Variants in FA2H observed in about 807,000 individuals in gnomAD.
FA2H encodes the protein fatty acid alpha-hydroxylase.
A neutral mutation model predicts 44.9 loss-of-function variants in FA2H; 22 were observed. The observed-to-expected ratio is 0.49, with a 90% CI of 0.35 to 0.70. The LOEUF (loss-of-function observed/expected upper bound fraction) is 0.70, where lower values mean the gene tolerates loss of function less well. Ranked by LOEUF, FA2H falls within the 30% of genes least tolerant of loss-of-function variation. The probability of loss-of-function intolerance (pLI) is 0.01; values close to 1 mark genes in which losing one functional copy is unlikely to be tolerated. For missense variants in FA2H, 501 were observed against 504.9 expected (o/e 0.99, Z 0.07); for synonymous variants, 243 against 213.2 (o/e 1.14, Z -1.22).
intron 1 of FA2H, among the ~76,000 whole-genome samples, chr16:74,764,389 C>T (rs1414991321): frequency 2.6e-5 from 4 of 152,004 alleles, no homozygotes; most frequent in Non-Finnish European, 5.9e-5. Flanking sequence ...TATACAGCCA[C>T]AAAAAAGAAC....
Position 74,767,282 on chromosome 16 carries a change from C to G in FA2H, c.270+7204G>C, listed in dbSNP as rs548560147. 3.6e-3 allele frequency among the ~76,000 whole-genome samples: 542 copies of G among 152,146 alleles called. 3 individuals carry two copies. The highest frequency in any genetic ancestry group is 0.013 in the African/African-American group (523 of 41,514). Reference sequence around the variant, plus strand: ...CGAGATTGTGCCATTGCACTCTAGCCTGGTGACAGAGGGAGACTCATAAAA... The same window carrying G: ...CGAGATTGTGCCATTGCACTCTAGCGTGGTGACAGAGGGAGACTCATAAAA... On this transcript the variant is annotated intron_variant, in intron 1 of 6. Coordinates refer to ENST00000219368, the MANE Select transcript of FA2H (RefSeq NM_024306.5).
intron 5 of FA2H, 141 bp downstream of exon 5, chr16:74,718,847 G>C (rs531755619): frequency 1.0e-6 from 1 of 989,504 alleles, no homozygotes; most frequent in South Asian, 1.4e-5. Context: ...CAGTTGCCCC[G>C]TGAGTCACAT....
At chr16:74,727,447 A>G (rs759262959) in intron 2 of FA2H, 61 bp from the exon 3 acceptor site, 3 of 1,570,670 alleles carry the variant, frequency 1.9e-6, no homozygotes, top group South Asian at 1.1e-5. Context: ...TCGTTCTCCC[A>G]TTTCCTCGTT....
At chr16:74,716,693 C>A (rs1292267069) in intron 5 of FA2H, 94 bp from the exon 6 acceptor site, 4 of 1,393,122 alleles carry the variant, frequency 2.9e-6, no homozygotes, top group Admixed American at 2.5e-5. Context: ...AGGGGCACAG[C>A]GGCCCAGACA....
chr16:74,771,692 C>A lies in FA2H; in HGVS notation c.270+2794G>T, dbSNP rs1352978202. Among the ~76,000 whole-genome samples, 3 of 152,050 alleles carry A rather than the reference C, an allele frequency of 2.0e-5. No homozygotes were observed. The East Asian group carries it at 5.8e-4, about 29-fold the overall frequency. On this transcript the variant is annotated intron_variant, in intron 1 of 6. Transcript: ENST00000219368. ...TAAACCCTTCAGCATGAGCCGACAC[C>A]AAACACCAACCTCTCAGATTAAACT...
intron 1 of FA2H, among the ~76,000 whole-genome samples, chr16:74,771,921 T>C (rs1417570789): frequency 6.6e-6 from 1 of 150,990 alleles, no homozygotes; most frequent in Non-Finnish European, 1.5e-5. Context: ...AATCTGACCA[T>C]GAACCCTGCC....
At chr16:74,732,839 T>C (rs1164151170) in intron 2 of FA2H, among the ~76,000 whole-genome samples, 1 of 152,168 alleles carries the variant, frequency 6.6e-6, no homozygotes, top group Non-Finnish European at 1.5e-5. Context: ...CACCTGGATG[T>C]ACAGGAAACA....
chr16:74,738,844 G>A (rs1442221846), intron 2 of FA2H, among the ~76,000 whole-genome samples: 1 of 152,266 alleles, frequency 6.6e-6, no homozygotes, highest in East Asian at 1.9e-4. Flanking sequence ...CCGGCTGCAT[G>A]GCCGGGCAGC....
rs387907172 is a variant in FA2H, at chr16:74,719,067, A to G, written c.707T>C (p.Phe236Ser). Residue 236 changes from phenylalanine to serine, a missense_variant, in exon 5 of 7, where the codon TTC becomes TCC. Transcript: ENST00000219368. ...WSLIEYLIHRFLFHMKPPSDS... is the reference protein window; with the variant it reads ...WSLIEYLIHRSLFHMKPPSDS... The stretch of plus-strand genomic sequence containing the variant: ...GCTGGGGGGCTTCATGTGGAACAGG[A>G]AGCGGTGGATGAGGTACTCGATGAG... 4 of 1,613,990 alleles carry G rather than the reference A, an allele frequency of 2.5e-6. No homozygotes were observed. The highest frequency in any genetic ancestry group is 3.4e-6 in the Non-Finnish European group (4 of 1,180,020).
At chr16:74,759,959 G>A (rs541015757) in intron 1 of FA2H, among the ~76,000 whole-genome samples, 2 of 152,244 alleles carry the variant, frequency 1.3e-5, no homozygotes, top group South Asian at 2.1e-4. Context: ...ACCTTGTCCT[G>A]GACAGCCCCT....
chr16:74,718,610 A>G (rs1961759876), intron 5 of FA2H, among the ~76,000 whole-genome samples: 1 of 152,244 alleles, frequency 6.6e-6, no homozygotes, highest in African/African-American at 2.4e-5. Flanking sequence ...TGTTTTCAGC[A>G]CAAGCTCCAG....
Position 74,719,057 on chromosome 16 carries a change from G to A in FA2H, c.717C>T (p.His239=). 6.2e-7 allele frequency: 1 copy of A among 1,614,078 alleles called. No homozygotes were observed. The highest frequency in any genetic ancestry group is 8.5e-7 in the Non-Finnish European group (1 of 1,180,040). ...AATAGCTGTCGCTGGGGGGCTTCATGTGGAACAGGAAGCGGTGGATGAGGT... is the reference window on the plus strand; with the variant it reads ...AATAGCTGTCGCTGGGGGGCTTCATATGGAACAGGAAGCGGTGGATGAGGT... ...IEYLIHRFLF[H]MKPPSDSYYL... Residue 239 remains histidine, a synonymous_variant, in exon 5 of 7, where the codon CAC becomes CAT. Transcript: ENST00000219368.
At chr16:74,738,009 G>C (rs532382350) in intron 2 of FA2H, among the ~76,000 whole-genome samples, 1 of 152,302 alleles carries the variant, frequency 6.6e-6, no homozygotes, top group Non-Finnish European at 1.5e-5. Context: ...GAAAAGAAAA[G>C]AAAAAAGCAG....
chr16:74,761,912 T>G (rs2144659324), intron 1 of FA2H, among the ~76,000 whole-genome samples: 1 of 152,318 alleles, frequency 6.6e-6, no homozygotes, highest in African/African-American at 2.4e-5. Context: ...GAAGAAGCCT[T>G]TCAAAAGAGA....
At chr16:74,717,750 G>A (rs1252874012) in intron 5 of FA2H, among the ~76,000 whole-genome samples, 2 of 152,222 alleles carry the variant, frequency 1.3e-5, no homozygotes, top group African/African-American at 4.8e-5. Context: ...AGACTGGGGT[G>A]GAAGTGTCTC....
At chr16:74,770,782 T>A (rs115640506) in intron 1 of FA2H, among the ~76,000 whole-genome samples, 234 of 152,364 alleles carry the variant, frequency 1.5e-3, no homozygotes, top group African/African-American at 5.5e-3. Flanking sequence ...TTGTCAAGTT[T>A]GGGCTATGCG....
chr16:74,755,997 T>G (rs776917376), intron 1 of FA2H, among the ~76,000 whole-genome samples: 1 of 152,230 alleles, frequency 6.6e-6, no homozygotes, highest in African/African-American at 2.4e-5. Context: ...TCTATTTTAA[T>G]ATGCTCCTCA....
chr16:74,760,252 G>T (rs537094218), intron 1 of FA2H, among the ~76,000 whole-genome samples: 1 of 152,162 alleles, frequency 6.6e-6, no homozygotes, highest in Non-Finnish European at 1.5e-5. Flanking sequence ...GCCCCCGAGG[G>T]AGCATGCTGG....
At chr16:74,728,535 C>G (rs527934880) in intron 2 of FA2H, among the ~76,000 whole-genome samples, 1 of 152,194 alleles carries the variant, frequency 6.6e-6, no homozygotes, top group East Asian at 1.9e-4. Flanking sequence ...TGTGGCCTTT[C>G]TGGCACCTTA....
Sources: gnomAD v4.1 joint callset for allele counts (sites outside exome capture counted in the v4.1 genomes callset) on GRCh38, gnomAD v4.1.1 for gene constraint, MANE v1.5 for transcripts, NCBI Gene and HGNC (gene_info 2026-07-23, HGNC 2026-07-21) for gene names.